The following DSG4 variants were observed in gnomAD, a reference collection of about 807,000 sequenced individuals.
The protein encoded by DSG4 is desmoglein 4.
In DSG4, 87 loss-of-function variants were observed where a neutral mutation model predicts 93.1. The observed-to-expected ratio is 0.93, with a 90% confidence interval of 0.79 to 1.12. The LOEUF (loss-of-function observed/expected upper bound fraction) is 1.12. DSG4 is among the 50% of genes most tolerant of loss of function. The probability of loss-of-function intolerance (pLI) is 0.00; values close to 1 mark genes in which losing one functional copy is unlikely to be tolerated. For missense variants in DSG4, 1,373 were observed against 1,285.7 expected (o/e 1.07, Z -1.04); for synonymous variants, 432 against 452.9 (o/e 0.95, Z 0.59).
chr18:31,379,125 G>T (rs2072107697), intron 1 of DSG4, among the ~76,000 whole-genome samples: 1 of 152,168 alleles, frequency 6.6e-6, no homozygotes, highest in African/African-American at 2.4e-5. Flanking sequence ...TCTTCCTAAG[G>T]ATGCTTATCA....
chr18:31,399,222 G>A (rs368181590), intron 8 of DSG4, 50 bp from the exon 9 acceptor site: 30 of 1,609,688 alleles, frequency 1.9e-5, no homozygotes, highest in Non-Finnish European at 2.0e-5. Flanking sequence ...TTACTTTATC[G>A]AAAGAGAGTT....
chr18:31,377,651 G>C (rs1388786464), intron 1 of DSG4, among the ~76,000 whole-genome samples: 1 of 152,090 alleles, frequency 6.6e-6, no homozygotes, highest in East Asian at 1.9e-4. Context: ...ATGATTTCCA[G>C]ACAGGCAGCA....
intron 2 of DSG4, among the ~76,000 whole-genome samples, chr18:31,386,130 A>G (rs1445129539): frequency 6.6e-6 from 1 of 152,118 alleles, no homozygotes; most frequent in Non-Finnish European, 1.5e-5. Flanking sequence ...GGAATCATCA[A>G]TTCCTCCAAT....
rs1421134828 is a variant in DSG4 at position 31,388,948 on chromosome 18, C to T, written c.447C>T (p.Asp149=). The part of the protein sequence containing the change: ...RPLELRVKVM[D]INDNAPVFSQ... ...TTGAGCTTAGAGTCAAAGTTATGGA[C>T]ATAAATGATAACGCTCCAGTCTTTT... Residue 149 remains aspartate (D), a synonymous_variant, in exon 5 of 16, where the codon GAC becomes GAT. Coordinates refer to ENST00000308128, the MANE Select transcript of DSG4 (RefSeq NM_177986.5). 3 of 1,613,446 alleles carry T rather than the reference C, an allele frequency of 1.9e-6. No homozygotes were observed. The Admixed American group carries it at 5.0e-5, about 27-fold the overall frequency.
intron 11 of DSG4, among the ~76,000 whole-genome samples, chr18:31,404,201 G>A (rs764853142): frequency 3.3e-5 from 5 of 152,172 alleles, no homozygotes; most frequent in Admixed American, 1.3e-4. Context: ...TTATTAAGAT[G>A]TGTTAATATA....
At chr18:31,388,758 TA>T in intron 4 of DSG4, 115 bp from the exon 5 acceptor site, 1 of 1,490,312 alleles carries the variant, frequency 6.7e-7, no homozygotes. Context: ...TTGACTGTAC[TA>T]CAGTCTGAAT....
Position 31,381,997 on chromosome 18 carries a change from T to C in DSG4, c.49-3139T>C, listed in dbSNP as rs557064674. Among the ~76,000 whole-genome samples, 209 of 152,218 alleles carry C rather than the reference T, an allele frequency of 1.4e-3. 2 individuals carry two copies. Among genetic ancestry groups the C allele is most frequent in the Middle Eastern group, 0.01 (3 of 294 alleles). On this transcript the variant is annotated intron_variant, in intron 1 of 15. Coordinates refer to ENST00000308128, the MANE Select transcript of DSG4 (RefSeq NM_177986.5). ...TAGTAGTATCTTAAGCATTTTTATA[T>C]TTCCAGTAAAAGTCCTGTTCAAGTT...
At position 31,414,474 on chromosome 18, in the gene DSG4, A is replaced by C. The variant is rs576952620; in HGVS notation, c.*879A>C. On this transcript the variant is annotated 3_prime_UTR_variant, in exon 16 of 16. Coordinates refer to ENST00000308128, the MANE Select transcript of DSG4 (RefSeq NM_177986.5). Reference sequence around the variant, plus strand: ...TGGCAACCAGATATTCTCCAAAAGCACTCTGTAGTTATTCATATATTCTAC... The same window carrying C: ...TGGCAACCAGATATTCTCCAAAAGCCCTCTGTAGTTATTCATATATTCTAC... 2.0e-5 allele frequency: 3 copies of C among 152,186 alleles called. No homozygotes were observed. The South Asian group carries it at 6.2e-4, about 32-fold the overall frequency. The allele number at this position is 152,186 out of a possible 1,614,324, so 9.4% of individuals were successfully genotyped here.
At chr18:31,402,725 C>T (rs1454158709) in intron 10 of DSG4, among the ~76,000 whole-genome samples, 1 of 152,042 alleles carries the variant, frequency 6.6e-6, no homozygotes, top group Non-Finnish European at 1.5e-5. Flanking sequence ...ATTCCGTATT[C>T]GCTGTAACAG....
At chr18:31,386,925 C>T in intron 3 of DSG4, 106 bp downstream of exon 3, 2 of 1,554,612 alleles carry the variant, frequency 1.3e-6, no homozygotes, top group African/African-American at 1.4e-5. Context: ...TTTAAGAAGA[C>T]AGAATGTGGT....
intron 15 of DSG4, 108 bp downstream of exon 15, chr18:31,411,556 A>G: frequency 7.7e-7 from 1 of 1,291,688 alleles, no homozygotes; most frequent in Non-Finnish European, 1.1e-6. Flanking sequence ...GTTATTCTCA[A>G]CCCTATCCCA....
intron 12 of DSG4, among the ~76,000 whole-genome samples, chr18:31,408,136 G>T (rs1598752144): frequency 6.6e-6 from 1 of 152,202 alleles, no homozygotes; most frequent in Non-Finnish European, 1.5e-5. Context: ...TTAGGAGAGA[G>T]GGGGCAGTGT....
chr18:31,385,307 T>C (rs1024440434), intron 2 of DSG4, 136 bp downstream of exon 2: 5 of 643,968 alleles, frequency 7.8e-6, no homozygotes, highest in Non-Finnish European at 1.3e-5. Context: ...ACTAGTGAAC[T>C]GAAATAGCGA....
chr18:31,400,967 A>G lies in DSG4; in HGVS notation c.1364A>G (p.Lys455Arg), dbSNP rs779130229. 3 of 1,611,686 alleles carry G rather than the reference A, an allele frequency of 1.9e-6. No individual in the cohort carries two copies. In the East Asian group the frequency reaches 6.7e-5, roughly 36 times the overall value. ...CAATTTTCTAGAGAATTTGATAAGAAGTCAAAATATATTATCAATGGGATA... is the reference window on the plus strand; with the variant it reads ...CAATTTTCTAGAGAATTTGATAAGAGGTCAAAATATATTATCAATGGGATA... ...EIQFSREFDKKSKYIINGIYT... is the reference protein window; with the variant it reads ...EIQFSREFDKRSKYIINGIYT... The change falls in exon 10 of 16, where the codon AAG (lysine) becomes AGG (arginine). Residue 455 changes from lysine (K) to arginine (R), a missense_variant. Coordinates refer to ENST00000308128, the MANE Select transcript of DSG4 (RefSeq NM_177986.5).
chr18:31,413,288 T>C lies in DSG4; in HGVS notation c.2816T>C (p.Val939Ala), dbSNP rs769722287. The change falls in exon 16 of 16, where the codon GTA becomes GCA. Residue 939 changes from valine to alanine, a missense_variant. Transcript: ENST00000308128. ...CCCAATGTTGTAGTAACCGAAGCAG[T>C]AATGGCACCTGTCTATGATATTCAA... The part of the protein sequence containing the change: ...LAPNVVVTEA[V>A]MAPVYDIQGN... 4.3e-6 allele frequency: 7 copies of C among 1,614,148 alleles called. No homozygotes were observed. Among genetic ancestry groups the C allele is most frequent in the Non-Finnish European group, 5.9e-6 (7 of 1,180,032 alleles).
intron 10 of DSG4, among the ~76,000 whole-genome samples, chr18:31,402,389 CAAAT>C: frequency 6.6e-6 from 1 of 152,180 alleles, no homozygotes; most frequent in South Asian, 2.1e-4. Flanking sequence ...CAAAGAATGA[CAAAT>C]AAAACAATCT....
chr18:31,411,880 A>G (rs1386945639), intron 15 of DSG4, among the ~76,000 whole-genome samples: 1 of 152,204 alleles, frequency 6.6e-6, no homozygotes, highest in Non-Finnish European at 1.5e-5. Flanking sequence ...TTGGGAACGA[A>G]AGGAGTTAAA....
Position 31,411,317 on chromosome 18 carries a change from G to T in DSG4, c.2224G>T (p.Val742Phe), listed in dbSNP as rs200939281. 19 of 1,614,204 alleles carry T rather than the reference G, an allele frequency of 1.2e-5. No individual in the cohort carries two copies. In the Admixed American group the frequency reaches 2.3e-4, roughly 20 times the overall value. Residue 742 changes from valine (V) to phenylalanine (F), a missense_variant, in exon 15 of 16, where the codon GTT (valine) becomes TTT (phenylalanine). By Grantham distance (50) the Val-to-Phe change is conservative. Coordinates refer to ENST00000308128, the MANE Select transcript of DSG4 (RefSeq NM_177986.5). Reference protein sequence around the residue: ...VELNTGMGTAVGLMAAGAAGA... With the variant: ...VELNTGMGTAFGLMAAGAAGA... Reference sequence around the variant, plus strand: ...GCTCAACACAGGTATGGGGACAGCCGTTGGCCTCATGGCCGCAGGGGCCGC... The same window carrying T: ...GCTCAACACAGGTATGGGGACAGCCTTTGGCCTCATGGCCGCAGGGGCCGC...
intron 15 of DSG4, 99 bp from the exon 16 acceptor site, chr18:31,412,729 T>C: frequency 7.8e-7 from 1 of 1,282,742 alleles, no homozygotes; most frequent in South Asian, 1.3e-5. Context: ...GTTTATTCCG[T>C]AACAACTTAA....
Sources: allele counts gnomAD v4.1 joint callset (sites outside exome capture counted in the v4.1 genomes callset), GRCh38; gene constraint gnomAD v4.1.1; transcripts MANE v1.5; gene names NCBI Gene and HGNC (gene_info 2026-07-23, HGNC 2026-07-21).